GRID1: variants seen among roughly 807,000 people sequenced by gnomAD.
GRID1 encodes the protein glutamate receptor ionotropic, delta-1.
GRID1 carries 28 observed loss-of-function variants against 98.0 expected under a neutral mutation model. That is an observed-to-expected ratio of 0.29 (90% CI 0.21 to 0.39). The LOEUF is 0.39. Ranked by LOEUF, GRID1 falls within the 10% of genes least tolerant of loss-of-function variation. GRID1 has a pLI of 1.00. For missense variants in GRID1, 1,111 were observed against 1,340.5 expected, an observed-to-expected ratio of 0.83 and a Z score of 2.67; for synonymous variants, 553 against 538.5, an observed-to-expected ratio of 1.03 and a Z score of -0.37.
At chr10:85,955,081 G>A (rs1473701330) in intron 4 of GRID1, among the ~76,000 whole-genome samples, 1 of 152,178 alleles carries the variant, frequency 6.6e-6, no homozygotes, top group African/African-American at 2.4e-5. Flanking sequence ...AGCAGGTGCA[G>A]CATGGAGTTA....
rs539077359 is a variant in GRID1, at chr10:86,212,517, C to A, written c.236-5869G>T. 1.6e-4 allele frequency among the ~76,000 whole-genome samples: 24 copies of A among 152,366 alleles called. No homozygotes were observed. In the South Asian group the frequency reaches 5.0e-3, roughly 32 times the overall value. ...GGGCAGCAGAAAAAAGAGCCAGGCT[C>A]TGGGCAAACCCGGGCTCAGCCCTGC... On this transcript the variant is annotated intron_variant, in intron 2 of 15. Coordinates refer to ENST00000327946, the MANE Select transcript of GRID1 (RefSeq NM_017551.3).
chr10:86,310,862 C>T (rs1202114648), intron 2 of GRID1, among the ~76,000 whole-genome samples: 1 of 152,214 alleles, frequency 6.6e-6, no homozygotes, highest in African/African-American at 2.4e-5. Flanking sequence ...CACCATGCAG[C>T]AGTCTGTTCA....
At chr10:86,265,153 C>G (rs1026226241) in intron 2 of GRID1, among the ~76,000 whole-genome samples, 9 of 152,186 alleles carry the variant, frequency 5.9e-5, no homozygotes, top group African/African-American at 1.9e-4. Context: ...CCTGCCCGGC[C>G]CCCCATAGGC....
intron 4 of GRID1, among the ~76,000 whole-genome samples, chr10:85,995,934 G>A (rs542736364): frequency 2.6e-5 from 4 of 152,196 alleles, no homozygotes; most frequent in Non-Finnish European, 4.4e-5. Flanking sequence ...TATAAAAGCT[G>A]TGAATAAAAG....
intron 4 of GRID1, among the ~76,000 whole-genome samples, chr10:85,975,039 T>G (rs1463566570): frequency 6.6e-6 from 1 of 152,242 alleles, no homozygotes; most frequent in African/African-American, 2.4e-5. Flanking sequence ...CTCCATGTTC[T>G]CTACAAGGGT....
chr10:85,892,345 G>C (rs183474815), intron 5 of GRID1, among the ~76,000 whole-genome samples: 2 of 151,844 alleles, frequency 1.3e-5, no homozygotes, highest in Admixed American at 1.3e-4. Context: ...AAAAGTACTT[G>C]AGAAAATAAT....
At chr10:85,958,601 T>C (rs538760196) in intron 4 of GRID1, among the ~76,000 whole-genome samples, 1 of 152,228 alleles carries the variant, frequency 6.6e-6, no homozygotes, top group South Asian at 2.1e-4. Flanking sequence ...CTAAGTAAGG[T>C]AGATCACCCC....
At chr10:86,120,091 G>A (rs750720919) in intron 4 of GRID1, among the ~76,000 whole-genome samples, 11 of 152,024 alleles carry the variant, frequency 7.2e-5, no homozygotes, top group South Asian at 2.1e-4. Flanking sequence ...AAGCCACTGC[G>A]CCCAGCCAGC....
intron 15 of GRID1, chr10:85,607,282 G>C (rs1437163415): frequency 6.6e-6 from 1 of 152,224 alleles, no homozygotes; most frequent in African/African-American, 2.4e-5. Flanking sequence ...ACTTTGCTTG[G>C]AGTCCAACAG....
chr10:85,851,123 A>G (rs1265174950), intron 8 of GRID1, among the ~76,000 whole-genome samples: 1 of 152,160 alleles, frequency 6.6e-6, no homozygotes, highest in Non-Finnish European at 1.5e-5. Flanking sequence ...AAAGAGAAAC[A>G]AAGCCAAGTA....
At chr10:85,654,699 C>T (rs1040094735) in intron 12 of GRID1, among the ~76,000 whole-genome samples, 1 of 152,166 alleles carries the variant, frequency 6.6e-6, no homozygotes, top group African/African-American at 2.4e-5. Flanking sequence ...GCAAGACAAA[C>T]ATGTGAGACT....
At chr10:85,853,238 C>T (rs1035646352) in intron 8 of GRID1, among the ~76,000 whole-genome samples, 6 of 152,150 alleles carry the variant, frequency 3.9e-5, no homozygotes, top group Non-Finnish European at 8.8e-5. Flanking sequence ...CCAAAGAATT[C>T]CCCCACCCAG....
At chr10:85,803,833 T>A (rs1402862843) in intron 8 of GRID1, among the ~76,000 whole-genome samples, 1 of 152,054 alleles carries the variant, frequency 6.6e-6, no homozygotes, top group African/African-American at 2.4e-5. Context: ...TACTTTTTGT[T>A]ATATTTTGAG....
At chr10:85,681,607 C>T (rs1219042274) in intron 12 of GRID1, among the ~76,000 whole-genome samples, 5 of 152,146 alleles carry the variant, frequency 3.3e-5, no homozygotes, top group African/African-American at 1.2e-4. Context: ...GCTCCATGCA[C>T]TGTCACTTTC....
At chr10:86,180,024 G>C (rs1451404733) in intron 3 of GRID1, among the ~76,000 whole-genome samples, 1 of 152,214 alleles carries the variant, frequency 6.6e-6, no homozygotes, top group African/African-American at 2.4e-5. Context: ...AAAGAAACCA[G>C]AGCTCCATCA....
At chr10:85,726,063 G>T (rs1590206281) in intron 10 of GRID1, among the ~76,000 whole-genome samples, 1 of 152,232 alleles carries the variant, frequency 6.6e-6, no homozygotes, top group African/African-American at 2.4e-5. Flanking sequence ...ATCAACTCAT[G>T]ACACAGGTGG....
chr10:85,769,279 G>A (rs1842229876), intron 8 of GRID1, among the ~76,000 whole-genome samples: 1 of 152,250 alleles, frequency 6.6e-6, no homozygotes, highest in Non-Finnish European at 1.5e-5. Flanking sequence ...AATACTGCAT[G>A]TTCTCACTCA....
chr10:86,304,515 T>C (rs749859956), intron 2 of GRID1, among the ~76,000 whole-genome samples: 6 of 152,224 alleles, frequency 3.9e-5, no homozygotes, highest in Non-Finnish European at 8.8e-5. Flanking sequence ...CACAGAACTA[T>C]GCCTCTGTCC....
Position 85,809,896 on chromosome 10 carries a change from A to G in GRID1, c.1233+44600T>C, listed in dbSNP as rs773360538. 3.2e-4 allele frequency among the ~76,000 whole-genome samples: 48 copies of G among 152,176 alleles called. 1 individual carries two copies. The highest frequency in any genetic ancestry group is 2.9e-4 in the Non-Finnish European group (20 of 68,016). On this transcript the variant is annotated intron_variant, in intron 8 of 15. Transcript: ENST00000327946. ...ATAGCCCCCCTGTAGTCTTTACTACAGAAGAATCCCACAGTCTTCACAATC... is the reference window on the plus strand; with the variant it reads ...ATAGCCCCCCTGTAGTCTTTACTACGGAAGAATCCCACAGTCTTCACAATC...
Sources: gnomAD v4.1 joint callset for allele counts (sites outside exome capture counted in the v4.1 genomes callset) on GRCh38, gnomAD v4.1.1 for gene constraint, MANE v1.5 for transcripts, NCBI Gene and HGNC (gene_info 2026-07-23, HGNC 2026-07-21) for gene names.